The following IL5RA variants were observed in gnomAD, a reference collection of about 807,000 sequenced individuals.
IL5RA encodes interleukin 5 receptor subunit alpha.
IL5RA carries 49 observed loss-of-function variants against 50.0 expected under a neutral mutation model. The ratio of observed to expected loss-of-function variants is 0.98; its 90% CI spans 0.78 to 1.24. The LOEUF is 1.24. Ranked by LOEUF, IL5RA falls within the 50% of genes most tolerant of loss-of-function variation. The pLI, the probability that IL5RA is intolerant of heterozygous loss-of-function variation, is 0.00. For missense variants in IL5RA, 600 were observed against 500.4 expected (o/e 1.20, Z -1.90); for synonymous variants, 202 against 174.0 (o/e 1.16, Z -1.26).
chr3:3,081,957 T>C (rs1702679731), intron 9 of IL5RA, among the ~76,000 whole-genome samples: 1 of 152,188 alleles, frequency 6.6e-6, no homozygotes, highest in African/African-American at 2.4e-5. Flanking sequence ...GGTCGGCTTT[T>C]CCTTGAAGAA....
At chr3:3,101,643 T>G (rs1156791675) in intron 5 of IL5RA, 49 bp downstream of exon 5, 7 of 1,576,402 alleles carry the variant, frequency 4.4e-6, no homozygotes. Context: ...CTTTTCCATA[T>G]TTGCAAAGTC....
chr3:3,104,665 C>A (rs1703818653), intron 3 of IL5RA, among the ~76,000 whole-genome samples: 2 of 152,098 alleles, frequency 1.3e-5, no homozygotes, highest in Admixed American at 1.3e-4. Context: ...TCCATGGTGC[C>A]CGGACACCCA....
chr3:3,079,005 A>C (rs1458647285), intron 9 of IL5RA, among the ~76,000 whole-genome samples: 1 of 151,988 alleles, frequency 6.6e-6, no homozygotes, highest in Admixed American at 6.6e-5. Flanking sequence ...GACTGTGTAT[A>C]GTTGAGCCCA....
chr3:3,088,857 G>A (rs1000525424), intron 9 of IL5RA, among the ~76,000 whole-genome samples: 2 of 152,152 alleles, frequency 1.3e-5, no homozygotes, highest in Non-Finnish European at 2.9e-5. Context: ...GTAACATAAA[G>A]CATTTTTAAA....
At chr3:3,071,077 A>C (rs1702280849) in intron 11 of IL5RA, among the ~76,000 whole-genome samples, 1 of 152,154 alleles carries the variant, frequency 6.6e-6, no homozygotes, top group Non-Finnish European at 1.5e-5. Flanking sequence ...TAATTGGAAA[A>C]TTGGTAACAA....
At chr3:3,075,561 C>T (rs185598299) in intron 10 of IL5RA, among the ~76,000 whole-genome samples, 8 of 151,256 alleles carry the variant, frequency 5.3e-5, no homozygotes, top group East Asian at 3.9e-4. Flanking sequence ...AGATGCCATC[C>T]GAATATAACG....
At chr3:3,086,351 A>G (rs1702862110) in intron 9 of IL5RA, among the ~76,000 whole-genome samples, 1 of 152,238 alleles carries the variant, frequency 6.6e-6, no homozygotes, top group Non-Finnish European at 1.5e-5. Context: ...CATGAAGACC[A>G]GGGTCAGGAA....
intron 10 of IL5RA, among the ~76,000 whole-genome samples, chr3:3,075,423 G>A (rs1049170681): frequency 1.3e-5 from 2 of 151,334 alleles, no homozygotes; most frequent in African/African-American, 2.4e-5. Flanking sequence ...GGCTGGTCTC[G>A]AACTCTTGAC....
At chr3:3,084,111 C>T (rs1288092884) in intron 9 of IL5RA, among the ~76,000 whole-genome samples, 1 of 151,524 alleles carries the variant, frequency 6.6e-6, no homozygotes, top group East Asian at 1.9e-4. Context: ...CCAAAGTGAC[C>T]TTCGGCAGGG....
At chr3:3,109,536 G>A (rs941624360) in intron 1 of IL5RA, among the ~76,000 whole-genome samples, 1 of 152,180 alleles carries the variant, frequency 6.6e-6, no homozygotes, top group African/African-American at 2.4e-5. Flanking sequence ...GAAAACAGAT[G>A]TCTTATATTG....
intron 2 of IL5RA, among the ~76,000 whole-genome samples, chr3:3,105,941 C>T (rs1208903927): frequency 6.6e-6 from 1 of 152,106 alleles, no homozygotes; most frequent in Non-Finnish European, 1.5e-5. Context: ...GCATGGCTTC[C>T]CCCTGTGTTG....
At chr3:3,099,690 G>A (rs939166415) in intron 5 of IL5RA, among the ~76,000 whole-genome samples, 2 of 73,286 alleles carry the variant, frequency 2.7e-5, no homozygotes, top group Non-Finnish European at 5.9e-5. Flanking sequence ...TTATTATTTG[G>A]AAACAGAGTC....
At chr3:3,077,669 C>T (rs933732014) in intron 9 of IL5RA, among the ~76,000 whole-genome samples, 1 of 151,976 alleles carries the variant, frequency 6.6e-6, no homozygotes, top group Non-Finnish European at 1.5e-5. Context: ...CTTGGGAGGC[C>T]GAGGCACAAA....
At chr3:3,094,977 T>C (rs535992654) in intron 8 of IL5RA, among the ~76,000 whole-genome samples, 1 of 152,202 alleles carries the variant, frequency 6.6e-6, no homozygotes, top group Admixed American at 6.5e-5. Context: ...TCCACCCACA[T>C]TGGCCTCCCA....
At position 3,104,950 on chromosome 3, in the gene IL5RA, A is replaced by C. The variant is rs1190586339; in HGVS notation, c.35T>G (p.Leu12Trp). 1.2e-6 allele frequency: 2 copies of C among 1,613,046 alleles called. No homozygotes were observed. Among genetic ancestry groups the C allele is most frequent in the South Asian group, 2.2e-5 (2 of 91,026 alleles). Residue 12 changes from leucine (L) to tryptophan (W), a missense_variant, in exon 3 of 12, where the codon TTG becomes TGG. Physicochemically the swap from Leu to Trp is moderately conservative, Grantham distance 61. Coordinates refer to ENST00000446632, the MANE Select transcript of IL5RA (RefSeq NM_175726.4). ...IIVAHVLLIL[L>W]GATEILQADL... ...AGCTTGCAGTATCTCAGTGGCCCCC[A>C]AAAGGATGAGTAATACATGCGCCAC...
chr3:3,091,434 AC>A (rs754681053), intron 9 of IL5RA, among the ~76,000 whole-genome samples: 22 of 152,222 alleles, frequency 1.4e-4, no homozygotes, highest in Non-Finnish European at 2.9e-4. Flanking sequence ...ACAGACACAT[AC>A]AAATGAGGAC....
At chr3:3,096,505 C>T (rs748749914) in intron 7 of IL5RA, among the ~76,000 whole-genome samples, 1 of 151,956 alleles carries the variant, frequency 6.6e-6, no homozygotes, top group Non-Finnish European at 1.5e-5. Flanking sequence ...TTCAGAGCCT[C>T]CTATACCCTA....
In IL5RA at chr3:3,097,933, T is replaced by C. The variant is rs17852445; in HGVS notation, c.646A>G (p.Asn216Asp). 1 of 1,614,148 alleles carries C rather than the reference T, an allele frequency of 6.2e-7. No homozygotes were observed. The highest frequency in any genetic ancestry group is 1.7e-5 in the Admixed American group (1 of 60,012). The change falls in exon 7 of 12, where the codon AAC becomes GAC. Residue 216 changes from asparagine to aspartate, a missense_variant. By Grantham distance (23) the Asn-to-Asp change is conservative. Transcript: ENST00000446632. ...ATAGCAGAGTGCTTGCTGGAGCCGT[T>C]AACAAGCACCGCAAGCCAGTCACGC... ...KGRDWLAVLV[N>D]GSSKHSAIRP...
chr3:3,074,747 C>G, intron 11 of IL5RA, 35 bp downstream of exon 11: 1 of 1,261,090 alleles, frequency 7.9e-7, no homozygotes, highest in Non-Finnish European at 1.2e-6. Context: ...CAACCCTGGA[C>G]ACATACGGCA....
Sources: gnomAD v4.1 joint callset for allele counts (sites outside exome capture counted in the v4.1 genomes callset) on GRCh38, gnomAD v4.1.1 for gene constraint, MANE v1.5 for transcripts, NCBI Gene and HGNC (gene_info 2026-07-23, HGNC 2026-07-21) for gene names.